TNFRSF19: variants seen among roughly 807,000 people sequenced by gnomAD.
The protein encoded by TNFRSF19 is tumor necrosis factor receptor superfamily member 19.
In TNFRSF19, 27 loss-of-function variants were observed where a neutral mutation model predicts 46.4. That is an observed-to-expected ratio of 0.58 (90% confidence interval 0.43 to 0.80). The LOEUF (loss-of-function observed/expected upper bound fraction) is 0.80. TNFRSF19 is among the 30% of genes least tolerant of loss of function. TNFRSF19 has a pLI of 0.00. For missense variants in TNFRSF19, 511 were observed against 530.8 expected (o/e 0.96, Z 0.37); for synonymous variants, 204 against 205.0 (o/e 1.00, Z 0.04).
At chr13:23,608,277 G>A (rs916681806) in intron 3 of TNFRSF19, among the ~76,000 whole-genome samples, 9 of 152,116 alleles carry the variant, frequency 5.9e-5, no homozygotes, top group South Asian at 4.2e-4. Context: ...TCATGTAAAC[G>A]ACATCTGTTA....
chr13:23,652,088 C>G (rs1883686595), intron 5 of TNFRSF19, among the ~76,000 whole-genome samples: 1 of 152,042 alleles, frequency 6.6e-6, no homozygotes, highest in African/African-American at 2.4e-5. Flanking sequence ...GGGCTGGCCC[C>G]TGCACTTGTG....
intron 9 of TNFRSF19, chr13:23,669,720 G>A: frequency 7.1e-6 from 7 of 985,162 alleles, no homozygotes; most frequent in Non-Finnish European, 8.4e-6. Flanking sequence ...AGAGATGGGG[G>A]CTTTCTGCGT....
chr13:23,668,152 T>C, intron 8 of TNFRSF19, 70 bp downstream of exon 8: 1 of 1,299,974 alleles, frequency 7.7e-7, no homozygotes, highest in South Asian at 1.4e-5. Flanking sequence ...AATTTACCGA[T>C]TTTCATCTGA....
chr13:23,648,656 T>G (rs1227704183), intron 5 of TNFRSF19, among the ~76,000 whole-genome samples: 1 of 152,198 alleles, frequency 6.6e-6, no homozygotes, highest in African/African-American at 2.4e-5. Flanking sequence ...TATCCTTGTC[T>G]TCTTGATCTT....
chr13:23,576,633 T>G (rs1210846698), intron 1 of TNFRSF19, among the ~76,000 whole-genome samples: 2 of 152,218 alleles, frequency 1.3e-5, no homozygotes, highest in African/African-American at 4.8e-5. Context: ...TTACAAAAAA[T>G]GGTATAAATT....
intron 1 of TNFRSF19, among the ~76,000 whole-genome samples, chr13:23,587,343 T>C (rs1197736517): frequency 6.6e-6 from 1 of 152,190 alleles, no homozygotes; most frequent in African/African-American, 2.4e-5. Flanking sequence ...GTCACACTTA[T>C]AACCCTCCAC....
chr13:23,627,681 G>T (rs578219683), intron 5 of TNFRSF19, among the ~76,000 whole-genome samples: 1 of 152,180 alleles, frequency 6.6e-6, no homozygotes, highest in African/African-American at 2.4e-5. Context: ...CACACAGGTC[G>T]CTCATGCCTT....
chr13:23,616,708 G>A (rs1035299492), intron 4 of TNFRSF19, among the ~76,000 whole-genome samples: 5 of 151,764 alleles, frequency 3.3e-5, no homozygotes, highest in Non-Finnish European at 5.9e-5. Flanking sequence ...TCAGCCTCCC[G>A]AGTAACTGGG....
chr13:23,625,145 T>C (rs1394348447), intron 4 of TNFRSF19, among the ~76,000 whole-genome samples: 1 of 152,166 alleles, frequency 6.6e-6, no homozygotes, highest in Non-Finnish European at 1.5e-5. Flanking sequence ...ATGCATTCCT[T>C]TGTTTTCACT....
At chr13:23,583,088 G>A (rs1311356923) in intron 1 of TNFRSF19, among the ~76,000 whole-genome samples, 3 of 152,194 alleles carry the variant, frequency 2.0e-5, no homozygotes, top group African/African-American at 7.2e-5. Context: ...ATATCTAGGT[G>A]TTATTAAAGG....
chr13:23,664,813 T>C (rs1951593054), intron 7 of TNFRSF19, among the ~76,000 whole-genome samples: 1 of 152,224 alleles, frequency 6.6e-6, no homozygotes, highest in African/African-American at 2.4e-5. Flanking sequence ...TGCCCTAGGC[T>C]ACAAACCTGT....
chr13:23,582,375 T>A (rs147936094), intron 1 of TNFRSF19, among the ~76,000 whole-genome samples: 1,527 of 152,010 alleles, frequency 0.01, 30 homozygotes, highest in African/African-American at 0.035. Flanking sequence ...CACTCCAGCC[T>A]GGGCAACAGT....
At chr13:23,573,450 G>C (rs1012153239) in intron 1 of TNFRSF19, among the ~76,000 whole-genome samples, 4 of 150,508 alleles carry the variant, frequency 2.7e-5, no homozygotes, top group African/African-American at 9.8e-5. Flanking sequence ...GCATCAATGT[G>C]ATGTGGAATT....
intron 9 of TNFRSF19, among the ~76,000 whole-genome samples, chr13:23,670,379 T>G: frequency 6.6e-6 from 1 of 152,156 alleles, no homozygotes; most frequent in South Asian, 2.1e-4. Flanking sequence ...AGACAAAACA[T>G]TTTTTAGCTT....
chr13:23,582,768 A>G (rs1192563986), intron 1 of TNFRSF19, among the ~76,000 whole-genome samples: 1 of 152,134 alleles, frequency 6.6e-6, no homozygotes, highest in Non-Finnish European at 1.5e-5. Flanking sequence ...GTCATTATGT[A>G]TTAGTTCGCA....
At chr13:23,673,037 A>G (rs1009099224) in intron 9 of TNFRSF19, among the ~76,000 whole-genome samples, 6 of 152,250 alleles carry the variant, frequency 3.9e-5, no homozygotes, top group Admixed American at 3.9e-4. Flanking sequence ...CACAGTATAG[A>G]AGAAAGAAGC....
chr13:23,650,358 G>A (rs1443498749), intron 5 of TNFRSF19, among the ~76,000 whole-genome samples: 1 of 152,162 alleles, frequency 6.6e-6, no homozygotes, highest in East Asian at 1.9e-4. Context: ...CATCATCTGA[G>A]AAATGGCTAA....
At position 23,605,512 on chromosome 13, in the gene TNFRSF19, C is replaced by T. The variant is rs149844912; in HGVS notation, c.181-10355C>T. Among the ~76,000 whole-genome samples, 5 of 152,284 alleles carry T rather than the reference C, an allele frequency of 3.3e-5. No homozygotes were observed. In the East Asian group the frequency reaches 9.7e-4, roughly 29 times the overall value. ...TAACGCTTATACAGATACCTGCACA[C>T]AGATACTTATAGCAGGTTTGTTCAT... On this transcript the variant is annotated intron_variant, in intron 3 of 9. Coordinates refer to ENST00000248484, the MANE Select transcript of TNFRSF19 (RefSeq NM_148957.4).
chr13:23,579,383 G>C (rs932039837), intron 1 of TNFRSF19: 4 of 152,620 alleles, frequency 2.6e-5, no homozygotes, highest in African/African-American at 9.7e-5. Flanking sequence ...GGGAGAGCGC[G>C]GAGCCCTGCG....
Sources: allele counts gnomAD v4.1 joint callset (sites outside exome capture counted in the v4.1 genomes callset), GRCh38; gene constraint gnomAD v4.1.1; transcripts MANE v1.5; gene names NCBI Gene and HGNC (gene_info 2026-07-23, HGNC 2026-07-21).